The following LYRM4 variants were observed in gnomAD, a reference collection of about 807,000 sequenced individuals.
The protein encoded by LYRM4 is LYR motif-containing protein 4.
A neutral mutation model predicts 11.7 loss-of-function variants in LYRM4; 9 were observed. The ratio of observed to expected loss-of-function variants is 0.77; its 90% CI spans 0.46 to 1.34. The LOEUF (loss-of-function observed/expected upper bound fraction) is 1.34. Among genes scored for constraint, LYRM4 ranks in the 40% most tolerant of loss-of-function variants. The pLI, the probability that LYRM4 is intolerant of heterozygous loss-of-function variation, is 0.00. For missense variants in LYRM4, 133 were observed against 112.5 expected (o/e 1.18, Z -0.82); for synonymous variants, 42 against 40.4 (o/e 1.04, Z -0.15).
the LYRM4 span, chr6:5,066,313 T>C: frequency 1.4e-6 from 1 of 718,176 alleles, no homozygotes; most frequent in East Asian, 2.6e-5. Context: ...CATATTTAGT[T>C]CTATTCGTCC....
intron 1 of LYRM4, among the ~76,000 whole-genome samples, chr6:5,230,306 C>T (rs1181553631): frequency 6.6e-6 from 1 of 152,188 alleles, no homozygotes; most frequent in Non-Finnish European, 1.5e-5. Context: ...AACGCACTTT[C>T]CTCACATCTA....
chr6:5,134,168 C>G (rs1303869684), intron 2 of LYRM4, among the ~76,000 whole-genome samples: 1 of 152,228 alleles, frequency 6.6e-6, no homozygotes, highest in Non-Finnish European at 1.5e-5. Context: ...AAGTGACAAG[C>G]TGCTTTCCAC....
chr6:5,181,268 C>T (rs890788895), intron 2 of LYRM4, among the ~76,000 whole-genome samples: 3 of 152,168 alleles, frequency 2.0e-5, no homozygotes, highest in Non-Finnish European at 4.4e-5. Flanking sequence ...TCCTGCATAG[C>T]TCTCATTTGT....
rs555919468 is a variant in LYRM4, at chr6:5,124,692, A to G, written c.208-15201T>C. On this transcript the variant is annotated intron_variant, in intron 2 of 2. Coordinates refer to ENST00000330636, the MANE Select transcript of LYRM4 (RefSeq NM_020408.6). ...CATCCTGACAGGGGCGGGCCCTCCA[A>G]CCAGCAAGTGTCCCTGACCCACCTC... Among the ~76,000 whole-genome samples, 216 of 152,254 alleles carry G rather than the reference A, an allele frequency of 1.4e-3. 1 individual carries two copies. The highest frequency in any genetic ancestry group is 4.4e-3 in the African/African-American group (181 of 41,540).
At chr6:5,070,871 A>G in the LYRM4 span, among the ~76,000 whole-genome samples, 2 of 130,084 alleles carry the variant, frequency 1.5e-5, no homozygotes, top group Non-Finnish European at 3.2e-5. Flanking sequence ...CCTGTCTTGA[A>G]AAAAAAAAAA....
At chr6:5,141,236 T>C (rs1003167115) in intron 2 of LYRM4, among the ~76,000 whole-genome samples, 1 of 152,166 alleles carries the variant, frequency 6.6e-6, no homozygotes, top group African/African-American at 2.4e-5. Flanking sequence ...TATTTTCTAT[T>C]AAGAGGATGA....
intron 1 of LYRM4, among the ~76,000 whole-genome samples, chr6:5,256,814 T>C (rs1487068248): frequency 1.3e-5 from 2 of 152,152 alleles, no homozygotes; most frequent in Admixed American, 1.3e-4. Context: ...GCTAGTTCTG[T>C]ATTACCTGAG....
chr6:5,080,046 A>C, the LYRM4 span, among the ~76,000 whole-genome samples: 2 of 152,358 alleles, frequency 1.3e-5, no homozygotes, highest in Non-Finnish European at 1.5e-5. Flanking sequence ...CCAAGCCATG[A>C]ATTCTAAAAC....
At chr6:5,095,743 C>T in the LYRM4 span, among the ~76,000 whole-genome samples, 225 of 151,998 alleles carry the variant, frequency 1.5e-3, 1 homozygote, top group Middle Eastern at 0.01. Flanking sequence ...TTTGGAAGGC[C>T]GAGAGGCAGG....
At chr6:5,075,166 C>A in the LYRM4 span, among the ~76,000 whole-genome samples, 2 of 152,176 alleles carry the variant, frequency 1.3e-5, no homozygotes, top group Non-Finnish European at 2.9e-5. Context: ...GTATAGCCTG[C>A]AGAACCGTGA....
chr6:5,080,493 G>C, the LYRM4 span, among the ~76,000 whole-genome samples: 3 of 152,178 alleles, frequency 2.0e-5, no homozygotes, highest in Non-Finnish European at 2.9e-5. Flanking sequence ...AAGCTGTAAG[G>C]CCTGGTTTTG....
intron 2 of LYRM4, among the ~76,000 whole-genome samples, chr6:5,144,624 CAAAAAAAAAAAAA>C (rs71540849): frequency 2.7e-5 from 1 of 37,600 alleles, no homozygotes; most frequent in Non-Finnish European, 4.8e-5. Flanking sequence ...GACTCCGTCT[CAAAAAAAAAAAAA>C]AAAAAAAAAA....
rs1016963716 is a variant in LYRM4 at position 5,146,246 on chromosome 6, G to A, written c.208-36755C>T. ...TGAATTCCTGAGAACTAAATGAATC[G>A]TGCAAGGTGCTGAGGGGTCCCTTAT... On this transcript the variant is annotated intron_variant, in intron 2 of 2. Transcript: ENST00000330636. Among the ~76,000 whole-genome samples the A allele has an allele frequency of 3.3e-5, 5 of 152,108 alleles. No homozygotes were observed. In the South Asian group the frequency reaches 6.2e-4, roughly 19 times the overall value.
At chr6:5,100,890 T>C (rs1008512177), downstream of LYRM4, among the ~76,000 whole-genome samples, 1 of 152,248 alleles carries the variant, frequency 6.6e-6, no homozygotes. Flanking sequence ...GCTCATCAAG[T>C]CCATCATTTG....
chr6:5,210,251 A>T (rs758941705), intron 2 of LYRM4, among the ~76,000 whole-genome samples: 2 of 152,170 alleles, frequency 1.3e-5, no homozygotes, highest in Non-Finnish European at 2.9e-5. Context: ...GTAAATAGAG[A>T]AGAAGGGGAC....
At chr6:5,191,712 CT>C (rs1760765501) in intron 2 of LYRM4, among the ~76,000 whole-genome samples, 1 of 152,148 alleles carries the variant, frequency 6.6e-6, no homozygotes, top group South Asian at 2.1e-4. Context: ...CTGAAAACCA[CT>C]GAGTGAAAGG....
At chr6:5,101,968 C>CATTTTTTTTTTTTTTTTTTTTTTT (rs556454653), downstream of LYRM4, among the ~76,000 whole-genome samples, 11 of 67,984 alleles carry the variant, frequency 1.6e-4, 1 homozygote, top group African/African-American at 4.5e-4. Context: ...CTAATGCTTT[C>CATTTTTTTTTTTTTTTTTTTTTTT]TTTTTTTTTT....
At chr6:5,190,628 C>A (rs1189897923) in intron 2 of LYRM4, among the ~76,000 whole-genome samples, 1 of 151,850 alleles carries the variant, frequency 6.6e-6, no homozygotes. Flanking sequence ...GACAGCAGTC[C>A]CATGAAATTA....
downstream of LYRM4, among the ~76,000 whole-genome samples, chr6:5,101,968 C>CTTTTTTTGTTTTTTTTT (rs1762514469): frequency 1.5e-5 from 1 of 67,988 alleles, no homozygotes; most frequent in African/African-American, 4.6e-5. Context: ...CTAATGCTTT[C>CTTTTTTTGTTTTTTTTT]TTTTTTTTTT....
Sources: allele counts gnomAD v4.1 joint callset (sites outside exome capture counted in the v4.1 genomes callset), GRCh38; gene constraint gnomAD v4.1.1; transcripts MANE v1.5; gene names NCBI Gene and HGNC (gene_info 2026-07-23, HGNC 2026-07-21).